The following LRRC28 variants were observed in gnomAD, a reference collection of about 807,000 sequenced individuals.
LRRC28 encodes leucine rich repeat containing 28.
In LRRC28, 39 loss-of-function variants were observed where a neutral mutation model predicts 45.7. The observed-to-expected ratio is 0.85, with a 90% CI of 0.66 to 1.12. The LOEUF (loss-of-function observed/expected upper bound fraction) is 1.12. Among genes scored for constraint, LRRC28 ranks in the 50% most tolerant of loss-of-function variants. LRRC28 has a pLI of 0.00. For synonymous variants in LRRC28, 206 were observed against 178.8 expected (o/e 1.15, Z -1.22); for missense variants, 435 against 438.5 (o/e 0.99, Z 0.07).
intron 5 of LRRC28, among the ~76,000 whole-genome samples, chr15:99,288,527 G>A (rs762325469): frequency 1.3e-4 from 19 of 151,758 alleles, no homozygotes; most frequent in Non-Finnish European, 2.5e-4. Context: ...GATTACAGGC[G>A]CGTGCCACCA....
At chr15:99,285,339 T>A in intron 3 of LRRC28, 1 of 741,974 alleles carries the variant, frequency 1.3e-6, no homozygotes. Flanking sequence ...ACAACTCTTC[T>A]GTCCACCTTG....
intron 3 of LRRC28, chr15:99,285,290 C>G: frequency 1.4e-6 from 1 of 738,334 alleles, no homozygotes; most frequent in Non-Finnish European, 2.5e-6. Context: ...GGCACCTGGT[C>G]TTTGAGAATC....
chr15:99,302,189 G>T (rs1597288770), intron 5 of LRRC28, among the ~76,000 whole-genome samples: 1 of 151,166 alleles, frequency 6.6e-6, no homozygotes, highest in Admixed American at 6.6e-5. Context: ...ACCATGCCTG[G>T]CTAATTTTTT....
chr15:99,260,585 A>G (rs191209681), intron 2 of LRRC28, among the ~76,000 whole-genome samples: 63 of 152,352 alleles, frequency 4.1e-4, no homozygotes, highest in Non-Finnish European at 6.6e-4. Flanking sequence ...TGTCATCCAA[A>G]GCCCACCCAT....
chr15:99,260,132 A>G (rs1466316438), intron 2 of LRRC28: 1 of 354,268 alleles, frequency 2.8e-6, no homozygotes, highest in African/African-American at 2.1e-5. Context: ...TCTCCCCTGC[A>G]CTGTAAAATG....
chr15:99,303,482 T>C (rs1365195941), intron 5 of LRRC28, among the ~76,000 whole-genome samples: 1 of 152,224 alleles, frequency 6.6e-6, no homozygotes, highest in Non-Finnish European at 1.5e-5. Flanking sequence ...AGTAAATTGA[T>C]AAGGTGTTAT....
intron 6 of LRRC28, among the ~76,000 whole-genome samples, chr15:99,339,164 C>G (rs1956422211): frequency 6.6e-6 from 1 of 152,024 alleles, no homozygotes; most frequent in South Asian, 2.1e-4. Context: ...ATTTTTTTCT[C>G]TAAGGCTTTT....
chr15:99,381,363 G>A (rs991823019), intron 9 of LRRC28, among the ~76,000 whole-genome samples: 7 of 152,004 alleles, frequency 4.6e-5, no homozygotes, highest in South Asian at 2.1e-4. Flanking sequence ...TAGTTCTCGC[G>A]CCATGTTTTT....
chr15:99,285,005 G>T, intron 3 of LRRC28: 1 of 642,468 alleles, frequency 1.6e-6, no homozygotes, highest in Admixed American at 1.8e-5. Flanking sequence ...AGCCTCTTTG[G>T]CTGGATGAAG....
At chr15:99,361,841 C>T (rs74033472) in intron 8 of LRRC28, among the ~76,000 whole-genome samples, 17,947 of 152,184 alleles carry the variant, frequency 0.12, 1,297 homozygotes, top group East Asian at 0.31. Flanking sequence ...GTTCAAGTTT[C>T]AAGTAAGGAA....
At chr15:99,332,094 C>G (rs1956179835) in intron 5 of LRRC28, 2 of 152,102 alleles carry the variant, frequency 1.3e-5, no homozygotes, top group African/African-American at 4.8e-5. Flanking sequence ...AGTTCTTTTT[C>G]TTTTTTCTTT....
intron 3 of LRRC28, among the ~76,000 whole-genome samples, chr15:99,276,969 C>A (rs564872578): frequency 6.6e-6 from 1 of 152,008 alleles, no homozygotes; most frequent in Non-Finnish European, 1.5e-5. Flanking sequence ...ATAAACAGGT[C>A]GTATAAAATG....
At chr15:99,278,873 A>G (rs2081696922) in intron 3 of LRRC28, among the ~76,000 whole-genome samples, 1 of 152,204 alleles carries the variant, frequency 6.6e-6, no homozygotes, top group Non-Finnish European at 1.5e-5. Flanking sequence ...ATCTTCCTCT[A>G]TTCACGTGGT....
intron 5 of LRRC28, among the ~76,000 whole-genome samples, chr15:99,328,326 A>G (rs963012222): frequency 2.0e-5 from 3 of 152,232 alleles, no homozygotes; most frequent in Non-Finnish European, 2.9e-5. Context: ...ATAAAATTCT[A>G]AAAGTCACAA....
At chr15:99,295,544 G>A (rs1309323789) in intron 5 of LRRC28, among the ~76,000 whole-genome samples, 3 of 152,136 alleles carry the variant, frequency 2.0e-5, no homozygotes, top group African/African-American at 4.8e-5. Context: ...TTTAATACTC[G>A]AGAAATCTGA....
chr15:99,352,303 A>C, intron 6 of LRRC28, 66 bp from the exon 7 acceptor site: 1 of 1,092,360 alleles, frequency 9.2e-7, no homozygotes, highest in Non-Finnish European at 1.4e-6. Flanking sequence ...TATGTATTAA[A>C]TTTTATATTT....
Position 99,361,330 on chromosome 15 carries a change from C to A in LRRC28, c.696-6C>A. 6.2e-7 allele frequency: 1 copy of A among 1,607,912 alleles called. No individual in the cohort carries two copies. The highest frequency in any genetic ancestry group is 8.5e-7 in the Non-Finnish European group (1 of 1,177,720). On this transcript the variant is annotated splice_region_variant and splice_polypyrimidine_tract_variant and intron_variant, in intron 7 of 9. Coordinates refer to ENST00000301981, the MANE Select transcript of LRRC28 (RefSeq NM_144598.5). ...AATAATACTGTGAATGTGTGTCTTT[C>A]TGCAGCTGTGGTGCTCCCATTCAAG...
At chr15:99,370,865 A>T (rs1252353699) in intron 9 of LRRC28, among the ~76,000 whole-genome samples, 1 of 152,230 alleles carries the variant, frequency 6.6e-6, no homozygotes, top group Non-Finnish European at 1.5e-5. Context: ...CTTGGGAAGG[A>T]CTCATACACC....
At chr15:99,350,067 C>T (rs1386880713) in intron 6 of LRRC28, among the ~76,000 whole-genome samples, 1 of 146,728 alleles carries the variant, frequency 6.8e-6, no homozygotes, top group South Asian at 2.2e-4. Flanking sequence ...ACCCGGGAAG[C>T]GGAGCTTGCA....
Sources: gnomAD v4.1 joint callset for allele counts (sites outside exome capture counted in the v4.1 genomes callset) on GRCh38, gnomAD v4.1.1 for gene constraint, MANE v1.5 for transcripts, NCBI Gene and HGNC (gene_info 2026-07-23, HGNC 2026-07-21) for gene names.